The following EPCIP variants were observed in gnomAD, a reference collection of about 807,000 sequenced individuals.
EPCIP encodes the protein exosomal polycystin-1-interacting protein.
chr21:32,793,016 G>T, the EPCIP span, among the ~76,000 whole-genome samples: 3 of 151,892 alleles, frequency 2.0e-5, no homozygotes, highest in Non-Finnish European at 2.9e-5. Flanking sequence ...GTAGAGTGCA[G>T]TGGCACGATT....
chr21:32,802,495 G>C, the EPCIP span, among the ~76,000 whole-genome samples: 1 of 152,220 alleles, frequency 6.6e-6, no homozygotes, highest in East Asian at 1.9e-4. Context: ...GCCAGGGAGA[G>C]ACTGAATCTG....
chr21:32,793,778 A>G, the EPCIP span: 1 of 1,614,158 alleles, frequency 6.2e-7, no homozygotes, highest in Non-Finnish European at 8.5e-7. Context: ...AATAAATGTG[A>G]CAACATAGCT....
chr21:32,813,496 G>A, the EPCIP span: 6 of 436,432 alleles, frequency 1.4e-5, no homozygotes, highest in East Asian at 7.3e-5. Context: ...TCTTCCAACC[G>A]TCACAGTTCC....
chr21:32,812,165 C>G, the EPCIP span, among the ~76,000 whole-genome samples: 1 of 152,134 alleles, frequency 6.6e-6, no homozygotes, highest in Non-Finnish European at 1.5e-5. Context: ...ATGTGGCTAC[C>G]GTACTTTTCT....
chr21:32,802,350 C>A, the EPCIP span, among the ~76,000 whole-genome samples: 1 of 152,188 alleles, frequency 6.6e-6, no homozygotes. Flanking sequence ...CTCTACCCCA[C>A]TAGCTTGGCT....
chr21:32,790,932 C>A, the EPCIP span: 1 of 152,222 alleles, frequency 6.6e-6, no homozygotes, highest in African/African-American at 2.4e-5. Context: ...TGTGAGAATT[C>A]ACATAACAAC....
the EPCIP span, chr21:32,793,712 A>G: frequency 1.9e-6 from 3 of 1,561,668 alleles, no homozygotes; most frequent in Admixed American, 1.7e-5. Flanking sequence ...TCCTTCTGCA[A>G]ATTATTCATC....
the EPCIP span, chr21:32,813,685 C>G: frequency 2.1e-6 from 1 of 471,232 alleles, no homozygotes; most frequent in Non-Finnish European, 4.4e-6. Flanking sequence ...CTGGTTTAAT[C>G]TGCAAGCCAG....
the EPCIP span, among the ~76,000 whole-genome samples, chr21:32,812,840 CTG>C: frequency 6.6e-6 from 1 of 152,102 alleles, no homozygotes; most frequent in Admixed American, 6.6e-5. Context: ...AAATGCAAGA[CTG>C]TATATGTTCT....
At chr21:32,813,229 A>T in the EPCIP span, among the ~76,000 whole-genome samples, 1 of 152,146 alleles carries the variant, frequency 6.6e-6, no homozygotes, top group Non-Finnish European at 1.5e-5. Context: ...CAGATGTTTT[A>T]AAATAGAGAC....
the EPCIP span, chr21:32,797,159 C>A: frequency 3.0e-6 from 1 of 329,002 alleles, no homozygotes. Flanking sequence ...GGAAGGCTCA[C>A]TAAGAGGGCA....
At chr21:32,792,910 TTA>T in the EPCIP span, among the ~76,000 whole-genome samples, 6 of 67,360 alleles carry the variant, frequency 8.9e-5, no homozygotes, top group Admixed American at 1.7e-4. Flanking sequence ...CATTTTATTA[TTA>T]TTATTTTTTT....
At chr21:32,795,485 C>G in the EPCIP span, among the ~76,000 whole-genome samples, 2 of 152,166 alleles carry the variant, frequency 1.3e-5, no homozygotes, top group Non-Finnish European at 2.9e-5. Context: ...AACATTCCCC[C>G]AATGACTGAG....
At chr21:32,794,719 C>T in the EPCIP span, among the ~76,000 whole-genome samples, 1 of 152,232 alleles carries the variant, frequency 6.6e-6, no homozygotes, top group Non-Finnish European at 1.5e-5. Context: ...GTGTAAAACT[C>T]CCAGTGATGT....
the EPCIP span, among the ~76,000 whole-genome samples, chr21:32,806,871 A>G: frequency 6.6e-6 from 1 of 152,192 alleles, no homozygotes. Context: ...GTAATTTACA[A>G]AAGAAAGAGG....
At chr21:32,802,502 T>C in the EPCIP span, among the ~76,000 whole-genome samples, 4 of 152,332 alleles carry the variant, frequency 2.6e-5, no homozygotes, top group African/African-American at 9.6e-5. Context: ...AGAGACTGAA[T>C]CTGGGGAGAA....
At chr21:32,796,439 T>A in the EPCIP span, among the ~76,000 whole-genome samples, 3 of 152,208 alleles carry the variant, frequency 2.0e-5, no homozygotes, top group African/African-American at 7.2e-5. Context: ...TGAGAAGCAC[T>A]GTACTGAACA....
the EPCIP span, among the ~76,000 whole-genome samples, chr21:32,796,005 T>TTTCCTTCCCTCCTTCCCTCC: frequency 7.3e-5 from 2 of 27,586 alleles, no homozygotes; most frequent in South Asian, 1.3e-3. Flanking sequence ...TCCTTCCCTC[T>TTTCCTTCCCTCCTTCCCTCC]TTCCTTCCCT....
At chr21:32,809,116 G>A in the EPCIP span, among the ~76,000 whole-genome samples, 1 of 151,328 alleles carries the variant, frequency 6.6e-6, no homozygotes, top group Non-Finnish European at 1.5e-5. Context: ...CCTTTTATGG[G>A]AAGTGGATCA....
Sources: allele counts gnomAD v4.1 joint callset (sites outside exome capture counted in the v4.1 genomes callset), GRCh38; gene constraint gnomAD v4.1.1; transcripts MANE v1.5; gene names NCBI Gene and HGNC (gene_info 2026-07-23, HGNC 2026-07-21).